The following NAA16 variants were observed in gnomAD, a reference collection of about 807,000 sequenced individuals.
NAA16 encodes N-alpha-acetyltransferase 16, NatA auxiliary subunit, also known as NARG1-like protein.
NAA16 carries 97 observed loss-of-function variants against 110.3 expected under a neutral mutation model. That is an observed-to-expected ratio of 0.88 (90% CI 0.75 to 1.04). The LOEUF (loss-of-function observed/expected upper bound fraction) is 1.04. Ranked by LOEUF, NAA16 falls within the 50% of genes least tolerant of loss-of-function variation. The pLI is 0.00. For synonymous variants in NAA16, 372 were observed against 330.6 expected, an observed-to-expected ratio of 1.13 and a Z score of -1.36; for missense variants, 1,017 against 1,005.1, an observed-to-expected ratio of 1.01 and a Z score of -0.16.
Position 41,372,738 on chromosome 13 carries a change from TTC to T in NAA16, c.2065_2066del (p.Leu689ValfsTer13). 1.3e-6 allele frequency: 2 copies of T among 1,593,142 alleles called. No homozygotes were observed. The highest frequency in any genetic ancestry group is 1.7e-6 in the Non-Finnish European group (2 of 1,167,918). ...TGTATTTTTTCTGACACAGGAAAGT[TTC>T]TGTTAATGCTGCAGTCTGTCAAACG... On this transcript the variant is annotated frameshift_variant, in exon 17 of 20. Coordinates refer to ENST00000379406, the MANE Select transcript of NAA16 (RefSeq NM_024561.5). LOFTEE classifies it high-confidence loss of function.
chr13:41,371,669 A>G (rs973843019), intron 15 of NAA16, among the ~76,000 whole-genome samples: 2 of 152,194 alleles, frequency 1.3e-5, no homozygotes, highest in Non-Finnish European at 2.9e-5. Context: ...TGTGTTAATC[A>G]GCTGTTCATG....
intron 2 of NAA16, among the ~76,000 whole-genome samples, chr13:41,317,935 T>C (rs927295143): frequency 2.6e-5 from 4 of 152,232 alleles, no homozygotes; most frequent in African/African-American, 7.2e-5. Flanking sequence ...ACTACCATCA[T>C]CCAGTGTTGT....
At position 41,369,161 on chromosome 13, in the gene NAA16, G is replaced by C. The variant is rs750023369; in HGVS notation, c.1825G>C (p.Glu609Gln). 2.5e-6 allele frequency: 4 copies of C among 1,591,976 alleles called. No homozygotes were observed. In the South Asian group the frequency reaches 4.7e-5, roughly 19 times the overall value. The change falls in exon 15 of 20, where the codon GAA becomes CAA. Residue 609 changes from glutamate to glutamine, a missense_variant. By Grantham distance (29) the Glu-to-Gln change is conservative. Coordinates refer to ENST00000379406, the MANE Select transcript of NAA16 (RefSeq NM_024561.5). The stretch of plus-strand genomic sequence containing the variant: ...AAGAGCTCAGAAAAAGGCTAAACTA[G>C]AAGAAGAAAGAAAGCATGCAGAAAG... ...QRRAQKKAKLEEERKHAERER... is the reference protein window; with the variant it reads ...QRRAQKKAKLQEERKHAERER...
chr13:41,358,637 T>A, intron 11 of NAA16, 164 bp downstream of exon 11: 1 of 1,439,742 alleles, frequency 6.9e-7, no homozygotes, highest in Non-Finnish European at 9.1e-7. Context: ...AATGTGTAAT[T>A]AGATGTGTAA....
intron 6 of NAA16, among the ~76,000 whole-genome samples, chr13:41,326,725 T>C (rs565737975): frequency 2.0e-5 from 3 of 152,186 alleles, no homozygotes; most frequent in South Asian, 4.1e-4. Context: ...TTCTAAAAAA[T>C]AGACATTTTC....
intron 10 of NAA16, among the ~76,000 whole-genome samples, chr13:41,357,092 AGAAAGATCTCTT>A (rs1354294296): frequency 3.3e-5 from 5 of 152,224 alleles, no homozygotes; most frequent in African/African-American, 1.2e-4. Flanking sequence ...ATGCTGAGGC[AGAAAGATCTCTT>A]GAAGCCAGGA....
chr13:41,372,114 A>G (rs2043332109), intron 15 of NAA16, 89 bp from the exon 16 acceptor site: 1 of 1,082,636 alleles, frequency 9.2e-7, no homozygotes, highest in African/African-American at 1.6e-5. Context: ...TGTCTAAATT[A>G]CTTTAGACAT....
chr13:41,357,834 C>T (rs758688683), intron 10 of NAA16, among the ~76,000 whole-genome samples: 1 of 152,126 alleles, frequency 6.6e-6, no homozygotes, highest in African/African-American at 2.4e-5. Flanking sequence ...GTATCTTCTT[C>T]CTATAGGTCA....
chr13:41,319,534 G>T (rs2041893615), intron 3 of NAA16, among the ~76,000 whole-genome samples: 1 of 151,600 alleles, frequency 6.6e-6, no homozygotes, highest in Non-Finnish European at 1.5e-5. Flanking sequence ...TGTTTTTTGG[G>T]GGGAGGGAGT....
At chr13:41,368,916 A>T (rs9562295) in intron 14 of NAA16, among the ~76,000 whole-genome samples, 174 bp from the exon 15 acceptor site, 14,185 of 152,250 alleles carry the variant, frequency 0.093, 790 homozygotes, top group East Asian at 0.23. Context: ...GTATGGAAAT[A>T]CTGTGTCATT....
rs764280298 is a variant in NAA16, at chr13:41,358,327, A to T, written c.1111A>T (p.Thr371Ser). The change falls in exon 11 of 20, where the codon ACA becomes TCA. Residue 371 changes from threonine (T) to serine (S), a missense_variant. Transcript: ENST00000379406. ...PYENGEKEPP[T>S]TLLWVQYFLA... is the part of the protein sequence containing the mutation. ...AGAGAATGGGGAGAAGGAACCCCCG[A>T]CAACACTACTCTGGGTTCAGTATTT... is the stretch of plus-strand genomic sequence containing the variant. 1 of 1,613,854 alleles carries T rather than the reference A, an allele frequency of 6.2e-7. No homozygotes were observed. The highest frequency in any genetic ancestry group is 8.5e-7 in the Non-Finnish European group (1 of 1,179,804).
intron 8 of NAA16, among the ~76,000 whole-genome samples, chr13:41,333,095 C>T (rs117888149): frequency 6.6e-6 from 1 of 152,040 alleles, no homozygotes; most frequent in East Asian, 1.9e-4. Flanking sequence ...ACACAGCTAT[C>T]AGGTTTCTAT....
At chr13:41,333,105 T>C (rs576118664) in intron 8 of NAA16, among the ~76,000 whole-genome samples, 24 of 152,238 alleles carry the variant, frequency 1.6e-4, no homozygotes, top group African/African-American at 5.1e-4. Context: ...CAGGTTTCTA[T>C]AGGACTTCTC....
intron 6 of NAA16, among the ~76,000 whole-genome samples, chr13:41,327,093 C>G (rs1308607364): frequency 1.3e-5 from 2 of 151,994 alleles, no homozygotes; most frequent in Non-Finnish European, 2.9e-5. Flanking sequence ...GCTTTTTTCA[C>G]TTAGTAGTGT....
At chr13:41,370,693 CT>C (rs926142493) in intron 15 of NAA16, among the ~76,000 whole-genome samples, 2 of 152,150 alleles carry the variant, frequency 1.3e-5, no homozygotes, top group African/African-American at 2.4e-5. Context: ...GACAGAACCC[CT>C]GGCCATCCGG....
At position 41,346,206 on chromosome 13, in the gene NAA16, C is replaced by T. The variant is rs76489889; in HGVS notation, c.1015-8938C>T. 8.1e-3 allele frequency among the ~76,000 whole-genome samples: 1,233 copies of T among 152,278 alleles called. 16 individuals are homozygous for T. Among genetic ancestry groups the T allele is most frequent in the African/African-American group, 0.028 (1,171 of 41,550 alleles). On this transcript the variant is annotated intron_variant, in intron 9 of 19. Transcript: ENST00000379406. ...ATTCATTCTTTTGTGTGTGACTATC[C>T]AGTTTTCCAGCACCATTCGTTGAAG... is the stretch of plus-strand genomic sequence containing the variant.
At chr13:41,320,509 G>C (rs566139283) in intron 3 of NAA16, among the ~76,000 whole-genome samples, 158 bp from the exon 4 acceptor site, 45 of 152,062 alleles carry the variant, frequency 3.0e-4, no homozygotes, top group African/African-American at 9.7e-4. Context: ...CTCTGGTTTC[G>C]TCTTTAACTT....
At chr13:41,356,330 G>GT (rs901301969) in intron 10 of NAA16, among the ~76,000 whole-genome samples, 2 of 152,234 alleles carry the variant, frequency 1.3e-5, no homozygotes, top group African/African-American at 4.8e-5. Context: ...CCCTCTATGA[G>GT]TTTTTTTAAG....
chr13:41,312,212 TG>T (rs1476270717), intron 1 of NAA16, among the ~76,000 whole-genome samples: 3 of 152,260 alleles, frequency 2.0e-5, no homozygotes, highest in Admixed American at 2.0e-4. Flanking sequence ...AGTGCGTTTC[TG>T]AGTTGTCACC....
Sources: allele counts gnomAD v4.1 joint callset (sites outside exome capture counted in the v4.1 genomes callset), GRCh38; gene constraint gnomAD v4.1.1; transcripts MANE v1.5; gene names NCBI Gene and HGNC (gene_info 2026-07-23, HGNC 2026-07-21).